Variants in AFF3 observed in about 807,000 individuals in gnomAD.
AFF3 encodes ALF transcription elongation factor 3.
A neutral mutation model predicts 129.7 loss-of-function variants in AFF3; 32 were observed. The observed-to-expected ratio is 0.25, with a 90% CI of 0.19 to 0.33. The LOEUF (loss-of-function observed/expected upper bound fraction) is 0.33. AFF3 is among the 10% of genes least tolerant of loss of function. The pLI is 1.00. For synonymous variants in AFF3, 644 were observed against 635.4 expected (o/e 1.01, Z -0.20); for missense variants, 1,373 against 1,592.0 (o/e 0.86, Z 2.34).
At chr2:99,668,948 A>G (rs1322952333) in intron 12 of AFF3, among the ~76,000 whole-genome samples, 1 of 152,226 alleles carries the variant, frequency 6.6e-6, no homozygotes, top group Non-Finnish European at 1.5e-5. Flanking sequence ...TATTACCCTG[A>G]TATCAAAACT....
intron 12 of AFF3, among the ~76,000 whole-genome samples, chr2:99,652,028 T>C (rs1685303358): frequency 6.6e-6 from 1 of 152,046 alleles, no homozygotes; most frequent in Non-Finnish European, 1.5e-5. Context: ...GGCAGGGCAG[T>C]GTCAGGAAGG....
At chr2:99,748,421 G>C (rs1025076157) in intron 9 of AFF3, among the ~76,000 whole-genome samples, 3 of 152,150 alleles carry the variant, frequency 2.0e-5, no homozygotes, top group African/African-American at 7.2e-5. Flanking sequence ...CTTTTTAAGG[G>C]TTACAGAAGT....
intron 4 of AFF3, among the ~76,000 whole-genome samples, chr2:100,021,638 C>G (rs973225464): frequency 6.6e-6 from 1 of 152,116 alleles, no homozygotes; most frequent in African/African-American, 2.4e-5. Flanking sequence ...TACCCCTCAA[C>G]AAACCTCCTT....
intron 8 of AFF3, among the ~76,000 whole-genome samples, chr2:99,830,628 T>A (rs1688447932): frequency 6.6e-6 from 1 of 152,116 alleles, no homozygotes; most frequent in African/African-American, 2.4e-5. Context: ...GGCGGGTGAC[T>A]GTAACCCAGC....
chr2:100,104,918 C>A (rs1402759274), intron 3 of AFF3: 5 of 171,864 alleles, frequency 2.9e-5, no homozygotes, highest in Non-Finnish European at 4.4e-5. Flanking sequence ...AGCCCCGCGC[C>A]GCGCCCGCCC....
chr2:99,957,182 C>CGT (rs144873522), intron 7 of AFF3, among the ~76,000 whole-genome samples: 25,020 of 150,472 alleles, frequency 0.17, 2,417 homozygotes, highest in African/African-American at 0.26. Context: ...TGTGTGTGTG[C>CGT]GTGTGTGTGT....
intron 7 of AFF3, among the ~76,000 whole-genome samples, chr2:99,934,131 C>G (rs982937949): frequency 6.6e-6 from 1 of 152,152 alleles, no homozygotes; most frequent in Non-Finnish European, 1.5e-5. Flanking sequence ...AAGCCTTGCC[C>G]GAATCTCACC....
intron 4 of AFF3, among the ~76,000 whole-genome samples, chr2:100,062,524 A>C (rs1687374170): frequency 6.6e-6 from 1 of 152,132 alleles, no homozygotes; most frequent in African/African-American, 2.4e-5. Context: ...ACATGTGGTG[A>C]TCTCACGTGA....
At chr2:99,822,379 A>T (rs940338592) in intron 8 of AFF3, among the ~76,000 whole-genome samples, 7 of 151,926 alleles carry the variant, frequency 4.6e-5, no homozygotes, top group Non-Finnish European at 7.4e-5. Flanking sequence ...GGCACACATT[A>T]AAAAAAATTG....
intron 4 of AFF3, among the ~76,000 whole-genome samples, chr2:100,040,628 G>T (rs1685342647): frequency 6.6e-6 from 1 of 152,196 alleles, no homozygotes. Flanking sequence ...CAGGTCGCCT[G>T]CCTATGAGAG....
intron 9 of AFF3, among the ~76,000 whole-genome samples, chr2:99,749,763 T>C (rs914634839): frequency 7.2e-5 from 11 of 152,242 alleles, no homozygotes; most frequent in Non-Finnish European, 1.3e-4. Context: ...AACTATTTAC[T>C]ATATGATCCT....
At chr2:99,830,050 C>T (rs1036324747) in intron 8 of AFF3, among the ~76,000 whole-genome samples, 3 of 152,150 alleles carry the variant, frequency 2.0e-5, no homozygotes, top group Non-Finnish European at 4.4e-5. Flanking sequence ...CATGTTCTCA[C>T]TTATAAGTGG....
chr2:99,933,838 C>T (rs931513600), intron 7 of AFF3, among the ~76,000 whole-genome samples: 7 of 152,068 alleles, frequency 4.6e-5, no homozygotes, highest in East Asian at 1.9e-4. Context: ...CTTTCAAATA[C>T]GAGACTTGAC....
chr2:100,105,530 G>A lies in AFF3; in HGVS notation c.-91C>T, dbSNP rs1361164103. Reference sequence around the variant, plus strand: ...GGGAAGGGGGACAAACTGGCCTCTGGGTGTCGACTTCAAACTTGCCGCCCG... The same window carrying A: ...GGGAAGGGGGACAAACTGGCCTCTGAGTGTCGACTTCAAACTTGCCGCCCG... On this transcript the variant is annotated 5_prime_UTR_variant, in exon 3 of 25. Transcript: ENST00000672756. The A allele has an allele frequency of 7.5e-7, 1 of 1,331,798 alleles. No individual in the cohort carries two copies. The highest frequency in any genetic ancestry group is 1.2e-5 in the South Asian group (1 of 81,246). The allele number at this position is 1,331,798 out of a possible 1,614,324, so 82.5% of individuals were successfully genotyped here.
intron 8 of AFF3, among the ~76,000 whole-genome samples, chr2:99,765,002 T>C (rs1682895052): frequency 2.0e-5 from 3 of 152,204 alleles, no homozygotes; most frequent in Admixed American, 2.0e-4. Context: ...CACTGCGTCA[T>C]TTCTGAGCCA....
chr2:99,884,999 C>T (rs375799823), intron 7 of AFF3, among the ~76,000 whole-genome samples: 2 of 152,294 alleles, frequency 1.3e-5, no homozygotes, highest in East Asian at 3.9e-4. Context: ...TTCCAAACAC[C>T]TCTATCCTCT....
At chr2:99,928,891 G>C (rs967253824) in intron 7 of AFF3, among the ~76,000 whole-genome samples, 1 of 152,156 alleles carries the variant, frequency 6.6e-6, no homozygotes, top group Non-Finnish European at 1.5e-5. Context: ...AGCAGCCTTT[G>C]ATGATAACAA....
intron 3 of AFF3, chr2:100,105,265 G>C (rs1691198016): frequency 8.6e-7 from 1 of 1,159,034 alleles, no homozygotes. Context: ...GGTGGGTGCG[G>C]GGGAATTCCC....
chr2:99,610,987 C>A (rs557139019), intron 13 of AFF3, among the ~76,000 whole-genome samples: 37 of 152,304 alleles, frequency 2.4e-4, no homozygotes, highest in African/African-American at 7.9e-4. Flanking sequence ...CTCTACCCCC[C>A]AGTCTGTTTA....
Sources: gnomAD v4.1 joint callset for allele counts (sites outside exome capture counted in the v4.1 genomes callset) on GRCh38, gnomAD v4.1.1 for gene constraint, MANE v1.5 for transcripts, NCBI Gene and HGNC (gene_info 2026-07-23, HGNC 2026-07-21) for gene names.